The following CFLAR variants were observed in gnomAD, a reference collection of about 807,000 sequenced individuals.
CFLAR encodes the protein CASP8 and FADD-like apoptosis regulator.
CFLAR carries 14 observed loss-of-function variants against 51.1 expected under a neutral mutation model. That is an observed-to-expected ratio of 0.27 (90% CI 0.18 to 0.43). The LOEUF (loss-of-function observed/expected upper bound fraction) is 0.43, where lower values mean the gene tolerates loss of function less well. CFLAR is among the 20% of genes least tolerant of loss of function. CFLAR has a pLI of 1.00. For missense variants in CFLAR, 390 were observed against 566.5 expected (o/e 0.69, Z 3.16); for synonymous variants, 210 against 211.6 (o/e 0.99, Z 0.06).
intron 1 of CFLAR, among the ~76,000 whole-genome samples, chr2:201,122,036 T>G (rs2048235735): frequency 6.6e-6 from 1 of 152,270 alleles, no homozygotes; most frequent in Admixed American, 6.5e-5. Flanking sequence ...GTCTTCTTCG[T>G]ACTACCTGAA....
intron 8 of CFLAR, among the ~76,000 whole-genome samples, chr2:201,150,881 G>A (rs1941173671): frequency 6.6e-6 from 1 of 152,156 alleles, no homozygotes; most frequent in East Asian, 1.9e-4. Flanking sequence ...CAGTGTCTCT[G>A]GCACAAAGAC....
intron 6 of CFLAR, chr2:201,145,685 T>G (rs1012829344): frequency 2.5e-6 from 1 of 397,798 alleles, no homozygotes; most frequent in African/African-American, 2.0e-5. Context: ...GATGTGATGT[T>G]TATAACTGAA....
At position 201,164,981 on chromosome 2, in the gene CFLAR, C is replaced by T. The variant is rs1191998883; in HGVS notation, c.*1008C>T. ...TATCTTTAAGGGCACAAATTCCATT[C>T]ATGAGGGCTCTACCCTCATCACCTA... On this transcript the variant is annotated 3_prime_UTR_variant, in exon 10 of 10. Coordinates refer to ENST00000309955, the MANE Select transcript of CFLAR (RefSeq NM_003879.7). 1 of 152,078 alleles carries T rather than the reference C, an allele frequency of 6.6e-6. No homozygotes were observed. The highest frequency in any genetic ancestry group is 2.4e-5 in the African/African-American group (1 of 41,442). 9.4% of individuals were successfully genotyped at this position (152,078 alleles called of 1,614,324 possible). A position where few individuals can be genotyped will look rare whatever the true frequency, so the allele number is the denominator to read the frequency against.
rs1206068393 is a variant in CFLAR at position 201,116,397 on chromosome 2, C to G, written c.-222C>G. 1.3e-5 allele frequency: 2 copies of G among 152,416 alleles called. No homozygotes were observed. Among genetic ancestry groups the G allele is most frequent in the Non-Finnish European group, 2.9e-5 (2 of 68,188 alleles). 9.4% of individuals were successfully genotyped at this position (152,416 alleles called of 1,614,324 possible). A position where few individuals can be genotyped will look rare whatever the true frequency, so the allele number is the denominator to read the frequency against. On this transcript the variant is annotated 5_prime_UTR_variant, in exon 1 of 10. Coordinates refer to ENST00000309955, the MANE Select transcript of CFLAR (RefSeq NM_003879.7). The surrounding 1 kb of genome is among the most constrained non-coding windows in gnomAD (Gnocchi z 4.8). ...CGCTTCCAGGCTTTCGGTTTCTTTG[C>G]CTCCATCTTGGGTGCGCCTTCCCGG...
chr2:201,141,189 C>T (rs1938747612), intron 5 of CFLAR, among the ~76,000 whole-genome samples: 1 of 152,132 alleles, frequency 6.6e-6, no homozygotes, highest in Non-Finnish European at 1.5e-5. Context: ...CAAATCGCGC[C>T]ATTGTACTCC....
rs1461816314 is a variant in CFLAR, at chr2:201,167,715, A to G, written c.*3742A>G. ...AAAGTGTGTGAGAGAGATCTTAACT[A>G]CCTAGCAGCTCTAGCTGCCATCTTG... On this transcript the variant is annotated 3_prime_UTR_variant, in exon 10 of 10. Coordinates refer to ENST00000309955, the MANE Select transcript of CFLAR (RefSeq NM_003879.7). The G allele has an allele frequency of 6.6e-6, 1 of 152,074 alleles. No homozygotes were observed. Among genetic ancestry groups the G allele is most frequent in the African/African-American group, 2.4e-5 (1 of 41,392 alleles). The allele number at this position is 152,074 out of a possible 1,614,324, so 9.4% of individuals were successfully genotyped here.
chr2:201,124,208 C>G lies in CFLAR; in HGVS notation c.-137-5521C>G, dbSNP rs944260329. Reference sequence around the variant, plus strand: ...TTGTTACCAGATAGTTTGGGGGCAGCGTTGGTGTTCTGTGAGAAAGGTTGA... The same window carrying G: ...TTGTTACCAGATAGTTTGGGGGCAGGGTTGGTGTTCTGTGAGAAAGGTTGA... On this transcript the variant is annotated intron_variant, in intron 1 of 9. Transcript: ENST00000309955. This position sits in a 1 kb window ranked among gnomAD's most constrained non-coding sequence, Gnocchi z 4.7. 2.6e-5 allele frequency among the ~76,000 whole-genome samples: 4 copies of G among 152,106 alleles called. No individual in the cohort carries two copies. The highest frequency in any genetic ancestry group is 5.9e-5 in the Non-Finnish European group (4 of 68,020).
chr2:201,158,852 CATTATTATTATTATT>C (rs61427822), intron 8 of CFLAR, among the ~76,000 whole-genome samples: 2 of 139,632 alleles, frequency 1.4e-5, no homozygotes, highest in East Asian at 2.0e-4. Flanking sequence ...TTGCCCTCAT[CATTATTATTATTATT>C]ATTATTATTA....
intron 6 of CFLAR, among the ~76,000 whole-genome samples, chr2:201,147,255 A>G (rs1162403621): frequency 6.6e-6 from 1 of 152,126 alleles, no homozygotes; most frequent in Admixed American, 6.6e-5. Context: ...TGGGCTGGGC[A>G]TGGTAGCTCA....
At position 201,118,753 on chromosome 2, in the gene CFLAR, G is replaced by C. The variant is rs1394947745; in HGVS notation, c.-138+2272G>C. ...ACGCCCTCCGGCGAAGCCACCTGTT[G>C]ATGCTTTTGACTTTCTGTCCTTGTT... On this transcript the variant is annotated intron_variant, in intron 1 of 9. Transcript: ENST00000309955. The surrounding 1 kb of genome is among the most constrained non-coding windows in gnomAD (Gnocchi z 5.1). The C allele has an allele frequency of 6.6e-6, 1 of 152,432 alleles. No homozygotes were observed. The highest frequency in any genetic ancestry group is 1.5e-5 in the Non-Finnish European group (1 of 68,190). 9.4% of individuals were successfully genotyped at this position (152,432 alleles called of 1,614,324 possible).
At position 201,138,219 on chromosome 2, in the gene CFLAR, A is replaced by G; in HGVS notation, c.523+2112A>G. The G allele has an allele frequency of 1.0e-6, 1 of 952,666 alleles. No homozygotes were observed. Among genetic ancestry groups the G allele is most frequent in the Non-Finnish European group, 1.7e-6 (1 of 581,498 alleles). 59.0% of individuals were successfully genotyped at this position (952,666 alleles called of 1,614,324 possible). A position where few individuals can be genotyped will look rare whatever the true frequency, so the allele number is the denominator to read the frequency against. ...ATGTAATGCACCATGGCGATCTGAT[A>G]CACCGAGTTCCCTTGGGACGAGTCC... On this transcript the variant is annotated intron_variant, in intron 4 of 9. Transcript: ENST00000309955. This position sits in a 1 kb window ranked among gnomAD's most constrained non-coding sequence, Gnocchi z 4.0.
intron 9 of CFLAR, chr2:201,163,351 T>A: frequency 8.5e-7 from 1 of 1,171,942 alleles, no homozygotes; most frequent in Non-Finnish European, 1.1e-6. Context: ...CTTTTTCAGT[T>A]GCACTCTAAT....
chr2:201,156,473 C>T (rs578126802), intron 8 of CFLAR, among the ~76,000 whole-genome samples: 1 of 152,318 alleles, frequency 6.6e-6, no homozygotes, highest in Admixed American at 6.5e-5. Flanking sequence ...ACTGGTGAAG[C>T]ATTCCCTCAT....
chr2:201,155,813 C>G (rs1344411340), intron 8 of CFLAR, among the ~76,000 whole-genome samples: 1 of 152,050 alleles, frequency 6.6e-6, no homozygotes, highest in African/African-American at 2.4e-5. Context: ...TCTGTAGAGA[C>G]AGGGTCTCAC....
At position 201,124,624 on chromosome 2, in the gene CFLAR, C is replaced by G. The variant is rs965010737; in HGVS notation, c.-137-5105C>G. On this transcript the variant is annotated intron_variant, in intron 1 of 9. Transcript: ENST00000309955. This position sits in a 1 kb window ranked among gnomAD's most constrained non-coding sequence, Gnocchi z 4.7. ...TGCTGGGATTACAGGTGTGAGCCAC[C>G]GCGCCTGGCCAGTTCAGGCATGAAC... 8.5e-5 allele frequency among the ~76,000 whole-genome samples: 13 copies of G among 152,080 alleles called. No individual in the cohort carries two copies. Among genetic ancestry groups the G allele is most frequent in the African/African-American group, 3.1e-4 (13 of 41,398 alleles).
Position 201,160,639 on chromosome 2 carries a change from A to G in CFLAR, c.1001A>G (p.His334Arg). The stretch of plus-strand genomic sequence containing the variant: ...CAGACTCACTCAGGGCTCCCCCTGC[A>G]TCACATCAGGAGGATGTTCATGGGA... ...VDQTHSGLPL[H>R]HIRRMFMGDS... Residue 334 changes from histidine to arginine, a missense_variant, in exon 9 of 10, where the codon CAT becomes CGT. By Grantham distance (29) the His-to-Arg change is conservative. Coordinates refer to ENST00000309955, the MANE Select transcript of CFLAR (RefSeq NM_003879.7). 1.2e-6 allele frequency: 2 copies of G among 1,614,028 alleles called. No homozygotes were observed. The highest frequency in any genetic ancestry group is 1.3e-5 in the African/African-American group (1 of 74,998).
intron 5 of CFLAR, 171 bp downstream of exon 5, chr2:201,140,610 G>A (rs1938472440): frequency 3.6e-6 from 2 of 551,544 alleles, no homozygotes; most frequent in Non-Finnish European, 6.3e-6. Context: ...GCTAATACAT[G>A]TTCATTGAGA....
intron 8 of CFLAR, among the ~76,000 whole-genome samples, chr2:201,153,907 T>C (rs1187131596): frequency 1.8e-4 from 25 of 136,184 alleles, no homozygotes; most frequent in Non-Finnish European, 2.9e-4. Context: ...TTCTTTCTTT[T>C]TTTTTTTTTT....
chr2:201,160,714 A>G lies in CFLAR; in HGVS notation c.1076A>G (p.Asn359Ser), dbSNP rs892712915. The G allele has an allele frequency of 2.5e-6, 4 of 1,613,880 alleles. No homozygotes were observed. In the African/African-American group the frequency reaches 4.0e-5, roughly 16 times the overall value. ...AGKPKMFFIQ[N>S]YVVSEGQLED... is the part of the protein sequence containing the mutation. ...AAGCCAAAGATGTTTTTTATTCAGAACTATGTGGTGTCAGAGGGCCAGCTG... is the reference window on the plus strand; with the variant it reads ...AAGCCAAAGATGTTTTTTATTCAGAGCTATGTGGTGTCAGAGGGCCAGCTG... Residue 359 changes from asparagine (N) to serine (S), a missense_variant, in exon 9 of 10, where the codon AAC becomes AGC. Transcript: ENST00000309955.
Sources: gnomAD v4.1 joint callset for allele counts (sites outside exome capture counted in the v4.1 genomes callset) on GRCh38, gnomAD v4.1.1 for gene constraint, Gnocchi (gnomAD v3.1) non-coding constraint, MANE v1.5 for transcripts, NCBI Gene and HGNC (gene_info 2026-07-23, HGNC 2026-07-21) for gene names.